Variants in PSME4 observed in about 807,000 individuals in gnomAD.
PSME4 encodes the protein proteasome activator complex subunit 4.
Under a neutral mutation model 253.9 loss-of-function variants are expected in PSME4, and 89 were observed. That is an observed-to-expected ratio of 0.35 (90% confidence interval 0.30 to 0.42). The LOEUF (loss-of-function observed/expected upper bound fraction) is 0.42, where lower values mean the gene tolerates loss of function less well. PSME4 is among the 10% of genes least tolerant of loss of function. The pLI is 1.00. For synonymous variants in PSME4, 851 were observed against 759.2 expected (o/e 1.12, Z -1.99); for missense variants, 2,014 against 2,195.2 (o/e 0.92, Z 1.65).
rs1483322364 is a variant in PSME4, at chr2:53,868,129, C to T, written c.5263+1247G>A. On this transcript the variant is annotated intron_variant, in intron 44 of 46. Transcript: ENST00000404125. Reference sequence around the variant, plus strand: ...CAATATCATTTGGTGTAACAAAAGACCTAAAAATACTTTGGTGCTTTATCA... The same window carrying T: ...CAATATCATTTGGTGTAACAAAAGATCTAAAAATACTTTGGTGCTTTATCA... Among the ~76,000 whole-genome samples the T allele has an allele frequency of 3.3e-5, 5 of 151,730 alleles. No individual in the cohort carries two copies. In the East Asian group the frequency reaches 9.6e-4, roughly 29 times the overall value.
Position 53,940,974 on chromosome 2 carries a change from T to C in PSME4, c.501-974A>G, listed in dbSNP as rs990291297. Among the ~76,000 whole-genome samples the C allele has an allele frequency of 2.6e-4, 16 of 62,634 alleles. 1 individual carries two copies. The highest frequency in any genetic ancestry group is 5.1e-4 in the African/African-American group (11 of 21,780). The allele number at this position is 62,634 out of a possible 152,430, so 41.1% of individuals were successfully genotyped here. ...ATACATATATATATATATATATATA[T>C]ATATATATATATATATATATATATA... is the stretch of plus-strand genomic sequence containing the variant. On this transcript the variant is annotated intron_variant, in intron 3 of 46. Coordinates refer to ENST00000404125, the MANE Select transcript of PSME4 (RefSeq NM_014614.3).
At position 53,869,250 on chromosome 2, in the gene PSME4, A is replaced by C. The variant is rs924318566; in HGVS notation, c.5263+126T>G. 5 of 989,634 alleles carry C rather than the reference A, an allele frequency of 5.1e-6. No individual in the cohort carries two copies. In the African/African-American group the frequency reaches 6.4e-5, roughly 13 times the overall value. The allele number at this position is 989,634 out of a possible 1,614,324, so 61.3% of individuals were successfully genotyped here. ...TGCAAAACTCCTCAAAAGTAGGGAA[A>C]ACTTTTCCCAATACCTAGCATAGAC... On this transcript the variant is annotated intron_variant, in intron 44 of 46. Coordinates refer to ENST00000404125, the MANE Select transcript of PSME4 (RefSeq NM_014614.3).
chr2:53,947,066 T>C (rs1669745698), intron 3 of PSME4, among the ~76,000 whole-genome samples: 1 of 152,206 alleles, frequency 6.6e-6, no homozygotes, highest in South Asian at 2.1e-4. Flanking sequence ...TTTTAACACA[T>C]GAAACTTTCA....
Position 53,925,874 on chromosome 2 carries a change from A to G in PSME4, c.1658+85T>C, listed in dbSNP as rs1042805876. 4.3e-6 allele frequency: 6 copies of G among 1,406,790 alleles called. No individual in the cohort carries two copies. The African/African-American group carries it at 8.6e-5, about 20-fold the overall frequency. 87.1% of individuals were successfully genotyped at this position (1,406,790 alleles called of 1,614,324 possible). A position where few individuals can be genotyped will look rare whatever the true frequency, so the allele number is the denominator to read the frequency against. The stretch of plus-strand genomic sequence containing the variant: ...CCAGTAGTAGCTAAATAAAGGTTAT[A>G]ATGCAGAAATAAACTAAACTTTCTG... On this transcript the variant is annotated intron_variant, in intron 13 of 46. Transcript: ENST00000404125.
At chr2:53,958,249 G>A (rs1484452475) in intron 1 of PSME4, among the ~76,000 whole-genome samples, 3 of 151,228 alleles carry the variant, frequency 2.0e-5, no homozygotes, top group African/African-American at 4.9e-5. Flanking sequence ...CCAGCTACTC[G>A]GGAGGCTGAG....
Position 53,932,105 on chromosome 2 carries a change from G to T in PSME4, c.1051-5C>A. 6.2e-7 allele frequency: 1 copy of T among 1,611,038 alleles called. No homozygotes were observed. Among genetic ancestry groups the T allele is most frequent in the East Asian group, 2.2e-5 (1 of 44,830 alleles). On this transcript the variant is annotated splice_polypyrimidine_tract_variant and splice_region_variant and intron_variant, in intron 9 of 46. Coordinates refer to ENST00000404125, the MANE Select transcript of PSME4 (RefSeq NM_014614.3). ...AAGTAGTTTCATTAACTTGTTCTGG[G>T]GACACAGAAGCAAAAAGTTCTAAGT...
At chr2:53,935,064 T>C (rs1240747246) in intron 7 of PSME4, among the ~76,000 whole-genome samples, 1 of 152,186 alleles carries the variant, frequency 6.6e-6, no homozygotes, top group African/African-American at 2.4e-5. Context: ...ACTTCTTTCT[T>C]GTCCCAAATG....
Position 53,948,595 on chromosome 2 carries a change from A to G in PSME4, c.384-58T>C, listed in dbSNP as rs1005405768. The G allele has an allele frequency of 1.2e-5, 12 of 1,040,400 alleles. No homozygotes were observed. In the East Asian group the frequency reaches 2.6e-4, roughly 23 times the overall value. 64.4% of individuals were successfully genotyped at this position (1,040,400 alleles called of 1,614,324 possible). A position where few individuals can be genotyped will look rare whatever the true frequency, so the allele number is the denominator to read the frequency against. ...TGCATATGTGCACAGATGTGTGTAT[A>G]CCACAAATACTACACAGGGACAGTT... is the stretch of plus-strand genomic sequence containing the variant. On this transcript the variant is annotated intron_variant, in intron 2 of 46. Transcript: ENST00000404125.
At chr2:53,867,645 G>A (rs545203369) in intron 44 of PSME4, among the ~76,000 whole-genome samples, 2 of 147,362 alleles carry the variant, frequency 1.4e-5, no homozygotes, top group East Asian at 4.0e-4. Context: ...ACTCCAAGGA[G>A]GGCGATAGAG....
chr2:53,923,913 C>CAAAAAAAAAAAA (rs199929436), intron 14 of PSME4, among the ~76,000 whole-genome samples: 2 of 96,876 alleles, frequency 2.1e-5, no homozygotes, highest in South Asian at 2.8e-4. Context: ...ACAGAGTTAA[C>CAAAAAAAAAAAA]AAAAAAAAAA....
At chr2:53,929,900 C>A (rs1385750626) in intron 10 of PSME4, among the ~76,000 whole-genome samples, 1 of 151,950 alleles carries the variant, frequency 6.6e-6, no homozygotes, top group East Asian at 1.9e-4. Flanking sequence ...CACCTGTAAT[C>A]CCAGCTACTC....
chr2:53,924,997 G>T (rs139619686), intron 14 of PSME4, among the ~76,000 whole-genome samples: 7 of 152,030 alleles, frequency 4.6e-5, no homozygotes, highest in Non-Finnish European at 7.4e-5. Flanking sequence ...CATTTAATCC[G>T]CAGTCAACAG....
chr2:53,887,950 T>A lies in PSME4; in HGVS notation c.4428A>T (p.Glu1476Asp). Reference protein sequence around the residue: ...YVLQGGLAQQEWRVPELLHRL... With the variant: ...YVLQGGLAQQDWRVPELLHRL... ...TGTGCAATAGTTCAGGCACTCTCCA[T>A]TCTTGCTGGGCAAGGCCACCTTGTA... The change falls in exon 39 of 47, where the codon GAA (glutamate) becomes GAT (aspartate). Residue 1476 changes from glutamate to aspartate, a missense_variant. Around this residue, in one of 4 missense-constraint regions of PSME4, gnomAD observed 403 missense variants for 556.1 expected, o/e 0.72. Transcript: ENST00000404125. 1 of 1,612,258 alleles carries A rather than the reference T, an allele frequency of 6.2e-7. No individual in the cohort carries two copies. The highest frequency in any genetic ancestry group is 8.5e-7 in the Non-Finnish European group (1 of 1,178,596).
Position 53,937,557 on chromosome 2 carries a change from G to GT in PSME4, c.546-18dup, listed in dbSNP as rs1419993362. The GT allele has an allele frequency of 2.5e-6, 4 of 1,604,444 alleles. No homozygotes were observed. The highest frequency in any genetic ancestry group is 2.5e-6 in the Non-Finnish European group (3 of 1,176,566). On this transcript the variant is annotated splice_polypyrimidine_tract_variant and intron_variant, in intron 4 of 46. Transcript: ENST00000404125. Reference sequence around the variant, plus strand: ...GGAAAATATCTAATAAAAAAAGAAGGTTTTCATGTATCTGATTATTGGCTA... The same window carrying GT: ...GGAAAATATCTAATAAAAAAAGAAGGTTTTTCATGTATCTGATTATTGGCTA...
Position 53,949,290 on chromosome 2 carries a change from G to A in PSME4, c.243-7C>T, listed in dbSNP as rs746907971. On this transcript the variant is annotated splice_region_variant and splice_polypyrimidine_tract_variant and intron_variant, in intron 1 of 46. Transcript: ENST00000404125. ...CCCATAAAGTCGAATATATCTGCAA[G>A]AGAAAAATAGATATACCCTTTAAAA... The A allele has an allele frequency of 6.5e-7, 1 of 1,539,336 alleles. No individual in the cohort carries two copies. The highest frequency in any genetic ancestry group is 8.9e-7 in the Non-Finnish European group (1 of 1,123,972).
At chr2:53,967,916 T>C (rs1670822178) in intron 1 of PSME4, among the ~76,000 whole-genome samples, 2 of 152,036 alleles carry the variant, frequency 1.3e-5, no homozygotes, top group Admixed American at 1.3e-4. Context: ...CAATGACTGA[T>C]GTGAAGCTTG....
chr2:53,951,302 C>A (rs1489514898), intron 1 of PSME4, among the ~76,000 whole-genome samples: 1 of 152,202 alleles, frequency 6.6e-6, no homozygotes. Flanking sequence ...AGGCTGGTCT[C>A]AAACTCCTGA....
rs555952162 is a variant in PSME4, at chr2:53,928,473, T to C, written c.1317-170A>G. ...AAGTTAACAATTACAGTAGCCCCGTTATCTGTAGTTTCCGTAGTTTCAGTT... is the reference window on the plus strand; with the variant it reads ...AAGTTAACAATTACAGTAGCCCCGTCATCTGTAGTTTCCGTAGTTTCAGTT... On this transcript the variant is annotated intron_variant, in intron 10 of 46. Coordinates refer to ENST00000404125, the MANE Select transcript of PSME4 (RefSeq NM_014614.3). Among the ~76,000 whole-genome samples, 6 of 152,362 alleles carry C rather than the reference T, an allele frequency of 3.9e-5. No homozygotes were observed. The South Asian group carries it at 1.0e-3, about 26-fold the overall frequency.
chr2:53,870,016 T>G (rs1469074322), intron 43 of PSME4: 1 of 152,374 alleles, frequency 6.6e-6, no homozygotes, highest in Non-Finnish European at 1.5e-5. Context: ...CAGGCTGCTG[T>G]CAGATCACAA....
Sources: gnomAD v4.1 joint callset for allele counts (sites outside exome capture counted in the v4.1 genomes callset) on GRCh38, gnomAD v4.1.1 for gene constraint, gnomAD v4.1.1 regional missense constraint, MANE v1.5 for transcripts, NCBI Gene and HGNC (gene_info 2026-07-23, HGNC 2026-07-21) for gene names.